The following MTIF2 variants were observed in gnomAD, a reference collection of about 807,000 sequenced individuals.
MTIF2 encodes translation initiation factor IF-2, mitochondrial.
In MTIF2, 71 loss-of-function variants were observed where a neutral mutation model predicts 83.5. The observed-to-expected ratio is 0.85, with a 90% CI of 0.70 to 1.04. MTIF2 has a LOEUF of 1.04. Ranked by LOEUF, MTIF2 falls within the 50% of genes least tolerant of loss-of-function variation. The probability of loss-of-function intolerance (pLI) is 0.00; values close to 1 mark genes in which losing one functional copy is unlikely to be tolerated. For missense variants in MTIF2, 957 were observed against 846.5 expected (o/e 1.13, Z -1.62); for synonymous variants, 319 against 287.1 (o/e 1.11, Z -1.12).
chr2:55,237,649 C>CTTTTTTTTTTTTT (rs536036933), intron 14 of MTIF2, among the ~76,000 whole-genome samples: 15 of 112,980 alleles, frequency 1.3e-4, no homozygotes, highest in South Asian at 2.8e-4. Context: ...TTCTTTTTTT[C>CTTTTTTTTTTTTT]TTTTTTTTTT....
Position 55,263,696 on chromosome 2 carries a change from T to G in MTIF2, c.163A>C (p.Thr55Pro). The change falls in exon 4 of 16, where the codon ACA (threonine) becomes CCA (proline). Residue 55 changes from threonine (T) to proline (P), a missense_variant. Physicochemically the swap from Thr to Pro is conservative, Grantham distance 38. Around this residue, in one of 3 missense-constraint regions of MTIF2, gnomAD observed 733 missense variants for 648.7 expected, o/e 1.13. Transcript: ENST00000263629. ...TAQLCAWPWPTDVLTGAALSQ... is the reference protein window; with the variant it reads ...TAQLCAWPWPPDVLTGAALSQ... ...AAAGCAGCCCCAGTGAGCACATCTG[T>G]TGGCCAGGGCCAGGCACACAGTTGA... is the stretch of plus-strand genomic sequence containing the variant. 1 of 1,614,162 alleles carries G rather than the reference T, an allele frequency of 6.2e-7. No individual in the cohort carries two copies. The highest frequency in any genetic ancestry group is 8.5e-7 in the Non-Finnish European group (1 of 1,180,030).
chr2:55,253,607 G>A (rs1677274036), intron 7 of MTIF2, among the ~76,000 whole-genome samples: 1 of 151,998 alleles, frequency 6.6e-6, no homozygotes, highest in Non-Finnish European at 1.5e-5. Context: ...ACAAGGTCAG[G>A]AGTTTGAGAC....
At chr2:55,265,838 G>A (rs990305731) in intron 3 of MTIF2, among the ~76,000 whole-genome samples, 1 of 152,058 alleles carries the variant, frequency 6.6e-6, no homozygotes, top group Non-Finnish European at 1.5e-5. Flanking sequence ...AACAATTGTG[G>A]ATCGAAAATT....
chr2:55,246,429 T>C lies in MTIF2; in HGVS notation c.1014A>G (p.Thr338=). The part of the protein sequence containing the change: ...GDNLMALAEA[T]VALAEMLELK... Reference sequence around the variant, plus strand: ...ATTCTAACATTTCTGCAAGAGCAACTGTTGCTTCTGCCAAAGCCATCAGAT... The same window carrying C: ...ATTCTAACATTTCTGCAAGAGCAACCGTTGCTTCTGCCAAAGCCATCAGAT... Residue 338 remains threonine (T), a synonymous_variant, in exon 10 of 16, where the codon ACA becomes ACG. Coordinates refer to ENST00000263629, the MANE Select transcript of MTIF2 (RefSeq NM_002453.3). The C allele has an allele frequency of 1.2e-6, 2 of 1,613,764 alleles. No homozygotes were observed. The highest frequency in any genetic ancestry group is 1.7e-6 in the Non-Finnish European group (2 of 1,179,710).
At chr2:55,243,357 A>C (rs1196274858) in intron 12 of MTIF2, 59 bp downstream of exon 12, 1 of 1,450,490 alleles carries the variant, frequency 6.9e-7, no homozygotes, top group African/African-American at 1.4e-5. Context: ...CCAAACTATG[A>C]GAATAAAAAA....
chr2:55,237,297 T>C lies in MTIF2; in HGVS notation c.2002A>G (p.Ile668Val). 6.2e-7 allele frequency: 1 copy of C among 1,612,010 alleles called. No homozygotes were observed. The highest frequency in any genetic ancestry group is 8.5e-7 in the Non-Finnish European group (1 of 1,179,634). The change falls in exon 15 of 16, where the codon ATT becomes GTT. Residue 668 changes from isoleucine to valine, a missense_variant. Physicochemically the swap from Ile to Val is conservative, Grantham distance 29 (BLOSUM62 3). Transcript: ENST00000263629. ...TTTTGATGTTGCTTACCCTTCCAAA[T>C]TACATGTCCATTACGGGTTAGTTTA... is the stretch of plus-strand genomic sequence containing the variant. Reference protein sequence around the residue: ...KFKLTRNGHVIWKGSLTSLKH... With the variant: ...KFKLTRNGHVVWKGSLTSLKH...
intron 10 of MTIF2, among the ~76,000 whole-genome samples, chr2:55,246,068 A>AG (rs1676675406): frequency 1.3e-5 from 2 of 152,228 alleles, no homozygotes; most frequent in Non-Finnish European, 2.9e-5. Flanking sequence ...CGAGTCAGTG[A>AG]GGGAAAAAAA....
Position 55,254,789 on chromosome 2 carries a change from T to C in MTIF2, c.368A>G (p.Asp123Gly). 2 of 1,605,310 alleles carry C rather than the reference T, an allele frequency of 1.2e-6. No homozygotes were observed. The highest frequency in any genetic ancestry group is 1.7e-6 in the Non-Finnish European group (2 of 1,176,742). ...TGAGTCTGCTTCCAGTGAATCTATG[T>C]CAATATCAGTGTTCAATAAAGCTTC... ...VYEALLNTDI[D>G]IDSLEADSHL... The change falls in exon 6 of 16, where the codon GAC becomes GGC. Residue 123 changes from aspartate (D) to glycine (G), a missense_variant. By Grantham distance (94) the Asp-to-Gly change is moderately conservative (BLOSUM62 -1). This residue lies in a region of MTIF2 where 733 missense variants were observed against 648.7 expected (regional missense o/e 1.13). Transcript: ENST00000263629.
At chr2:55,266,636 A>C (rs1016218818) in intron 3 of MTIF2, 1 of 147,986 alleles carries the variant, frequency 6.8e-6, no homozygotes, top group Non-Finnish European at 1.5e-5. Flanking sequence ...ATATATTTAT[A>C]TTTTCTACTA....
In MTIF2 at chr2:55,250,417, C is replaced by CA. The variant is rs377703766; in HGVS notation, c.842-884dup. Among the ~76,000 whole-genome samples the CA allele has an allele frequency of 9.6e-3, 964 of 100,078 alleles. 5 individuals are homozygous for CA. The highest frequency in any genetic ancestry group is 0.021 in the East Asian group (79 of 3,706). The allele number at this position is 100,078 out of a possible 152,430, so 65.7% of individuals were successfully genotyped here. On this transcript the variant is annotated intron_variant, in intron 8 of 15. Coordinates refer to ENST00000263629, the MANE Select transcript of MTIF2 (RefSeq NM_002453.3). ...CAGTAAGTACACTGGAGATAATCTCCAAAAAAAAAAAAAAAATCATGGGAA... is the reference window on the plus strand; with the variant it reads ...CAGTAAGTACACTGGAGATAATCTCCAAAAAAAAAAAAAAAAATCATGGGAA...
intron 3 of MTIF2, 47 bp from the exon 4 acceptor site, chr2:55,263,912 CA>C: frequency 7.1e-7 from 1 of 1,404,958 alleles, no homozygotes; most frequent in Non-Finnish European, 1.0e-6. Flanking sequence ...ATCAAGTTAG[CA>C]AATATTAATT....
chr2:55,251,295 G>C (rs184544739), intron 8 of MTIF2, among the ~76,000 whole-genome samples: 3 of 152,034 alleles, frequency 2.0e-5, no homozygotes, highest in East Asian at 1.9e-4. Context: ...GTATTCCCTA[G>C]AATCATTAAG....
chr2:55,247,603 C>CA (rs1306470249), intron 9 of MTIF2, among the ~76,000 whole-genome samples: 1 of 152,006 alleles, frequency 6.6e-6, no homozygotes, highest in African/African-American at 2.4e-5. Context: ...CAAAACAAAA[C>CA]AAAAAAATTG....
At chr2:55,239,909 A>G in intron 14 of MTIF2, 102 bp downstream of exon 14, 6 of 1,035,464 alleles carry the variant, frequency 5.8e-6, no homozygotes, top group Non-Finnish European at 8.2e-6. Flanking sequence ...CACAGGATAT[A>G]TCTTTCAACA....
chr2:55,242,101 C>T (rs1452584419), intron 13 of MTIF2, among the ~76,000 whole-genome samples: 1 of 148,998 alleles, frequency 6.7e-6, no homozygotes, highest in Non-Finnish European at 1.5e-5. Context: ...GAGACCGTGC[C>T]ACTGCACTCC....
At chr2:55,260,374 T>C (rs1207068317) in intron 5 of MTIF2, among the ~76,000 whole-genome samples, 2 of 135,672 alleles carry the variant, frequency 1.5e-5, no homozygotes, top group Non-Finnish European at 1.5e-5. Flanking sequence ...CACTCTAGCC[T>C]GGTTAACAAG....
intron 10 of MTIF2, among the ~76,000 whole-genome samples, chr2:55,245,028 C>T (rs1304710260): frequency 6.6e-6 from 1 of 151,772 alleles, no homozygotes; most frequent in African/African-American, 2.4e-5. Context: ...GCCTGGGTGA[C>T]AGAGTGAGAC....
At chr2:55,240,261 A>G in intron 13 of MTIF2, 86 bp from the exon 14 acceptor site, 3 of 1,258,942 alleles carry the variant, frequency 2.4e-6, no homozygotes, top group Non-Finnish European at 3.3e-6. Flanking sequence ...ACTTGAATCT[A>G]AATTGTTTTA....
At chr2:55,265,484 C>T (rs1002166010) in intron 3 of MTIF2, among the ~76,000 whole-genome samples, 14 of 151,434 alleles carry the variant, frequency 9.2e-5, no homozygotes, top group Admixed American at 9.2e-4. Flanking sequence ...CAATAATATG[C>T]AAAATTATTT....
Sources: allele counts gnomAD v4.1 joint callset (sites outside exome capture counted in the v4.1 genomes callset), GRCh38; gene constraint gnomAD v4.1.1; regional missense constraint gnomAD v4.1.1; transcripts MANE v1.5; gene names NCBI Gene and HGNC (gene_info 2026-07-23, HGNC 2026-07-21).